AHI1: variants seen among roughly 807,000 people sequenced by gnomAD.
The protein encoded by AHI1 is jouberin.
In AHI1, 123 loss-of-function variants were observed where a neutral mutation model predicts 149.3. That is an observed-to-expected ratio of 0.82 (90% CI 0.71 to 0.96). The LOEUF is 0.96. AHI1 is among the 40% of genes least tolerant of loss of function. The pLI, the probability that AHI1 is intolerant of heterozygous loss-of-function variation, is 0.00. For synonymous variants in AHI1, 475 were observed against 459.8 expected (o/e 1.03, Z -0.42); for missense variants, 1,439 against 1,422.7 (o/e 1.01, Z -0.18).
chr6:135,309,802 T>C (rs919683927), intron 26 of AHI1, among the ~76,000 whole-genome samples: 1 of 152,136 alleles, frequency 6.6e-6, no homozygotes, highest in Non-Finnish European at 1.5e-5. Flanking sequence ...TTTAACTTAC[T>C]TATAAGGTAA....
At chr6:135,429,820 T>C in intron 18 of AHI1, 62 bp downstream of exon 18, 1 of 1,010,966 alleles carries the variant, frequency 9.9e-7, no homozygotes, top group Non-Finnish European at 1.5e-6. Context: ...ATTTTATAAA[T>C]ATAATTTAAT....
At chr6:135,339,381 C>G (rs926220858) in intron 24 of AHI1, among the ~76,000 whole-genome samples, 1 of 152,114 alleles carries the variant, frequency 6.6e-6, no homozygotes. Flanking sequence ...ACTTACTAGA[C>G]AAATATTTTA....
intron 24 of AHI1, among the ~76,000 whole-genome samples, chr6:135,342,674 A>G (rs1479558743): frequency 1.3e-5 from 2 of 152,014 alleles, no homozygotes; most frequent in East Asian, 3.9e-4. Flanking sequence ...ATGGAAAATC[A>G]TTTAATAAAA....
At chr6:135,404,444 G>A (rs1780467197) in intron 22 of AHI1, among the ~76,000 whole-genome samples, 1 of 152,042 alleles carries the variant, frequency 6.6e-6, no homozygotes, top group Admixed American at 6.5e-5. Context: ...TTCTAAAATT[G>A]GAATAACAAT....
chr6:135,450,663 T>C (rs968328515), intron 11 of AHI1, among the ~76,000 whole-genome samples: 1 of 152,224 alleles, frequency 6.6e-6, no homozygotes, highest in Non-Finnish European at 1.5e-5. Context: ...TTCTAAATCA[T>C]ACTTTCCATA....
At chr6:135,399,296 CCTCT>C (rs1276563680) in intron 22 of AHI1, among the ~76,000 whole-genome samples, 2 of 152,148 alleles carry the variant, frequency 1.3e-5, no homozygotes, top group Non-Finnish European at 2.9e-5. Flanking sequence ...TAAAACTCTC[CCTCT>C]GATTCCGTTA....
At chr6:135,398,060 T>C (rs1480382473) in intron 22 of AHI1, among the ~76,000 whole-genome samples, 1 of 14,024 alleles carries the variant, frequency 7.1e-5, no homozygotes, top group Non-Finnish European at 8.9e-4. Context: ...CCCAGGATGT[T>C]TTTTTTTTTT....
intron 24 of AHI1, among the ~76,000 whole-genome samples, chr6:135,333,244 CAA>C (rs1199998115): frequency 6.6e-6 from 1 of 151,962 alleles, no homozygotes; most frequent in African/African-American, 2.4e-5. Flanking sequence ...TCAATAATGT[CAA>C]AGATAAAAAA....
At position 135,318,581 on chromosome 6, in the gene AHI1, G is replaced by A. The variant is rs1487081231; in HGVS notation, c.3364C>T (p.Arg1122Ter). The change falls in exon 26 of 29, where the codon CGA (arginine) becomes TGA (stop). Residue 1122 changes from arginine to a stop codon, truncating the protein, a stop_gained. Transcript: ENST00000265602. LOFTEE classifies it high-confidence loss of function. The part of the protein sequence containing the change: ...YQELPPEIKE[R>*]SPPLSPEEKT... Reference sequence around the variant, plus strand: ...TCCTCAGGGCTTAAAGGAGGGGATCGCTCCTTTATCTCAGGAGGCAGTTCT... The same window carrying A: ...TCCTCAGGGCTTAAAGGAGGGGATCACTCCTTTATCTCAGGAGGCAGTTCT... The A allele has an allele frequency of 1.2e-5, 19 of 1,605,328 alleles. No individual in the cohort carries two copies. Among genetic ancestry groups the A allele is most frequent in the Non-Finnish European group, 1.6e-5 (19 of 1,175,808 alleles).
chr6:135,346,188 AT>A (rs1791177088), intron 24 of AHI1, among the ~76,000 whole-genome samples: 1 of 151,814 alleles, frequency 6.6e-6, no homozygotes, highest in Admixed American at 6.6e-5. Flanking sequence ...GCTTATTTTT[AT>A]TTTTATTTAT....
At chr6:135,334,957 T>C (rs1392934565) in intron 24 of AHI1, among the ~76,000 whole-genome samples, 1 of 152,236 alleles carries the variant, frequency 6.6e-6, no homozygotes, top group Non-Finnish European at 1.5e-5. Flanking sequence ...CTTTCAGCAA[T>C]TCTGATGTAC....
chr6:135,361,556 CT>C (rs2128441471), intron 23 of AHI1, among the ~76,000 whole-genome samples: 1 of 151,724 alleles, frequency 6.6e-6, no homozygotes, highest in South Asian at 2.1e-4. Context: ...ATCATTCTTA[CT>C]ATGATTTCCC....
At chr6:135,459,931 T>C (rs2614260) in intron 8 of AHI1, among the ~76,000 whole-genome samples, 134,908 of 152,144 alleles carry the variant, frequency 0.89, 60,372 homozygotes, top group East Asian at 0.97. Context: ...ATAGCTCACA[T>C]CTGTAATCCC....
At chr6:135,421,284 G>C (rs141843838) in intron 20 of AHI1, among the ~76,000 whole-genome samples, 1 of 152,218 alleles carries the variant, frequency 6.6e-6, no homozygotes, top group East Asian at 1.9e-4. Context: ...AGCACACAAT[G>C]TTGGAAAAAT....
chr6:135,392,723 TCA>T (rs1778687466), intron 23 of AHI1, among the ~76,000 whole-genome samples: 1 of 152,162 alleles, frequency 6.6e-6, no homozygotes, highest in Non-Finnish European at 1.5e-5. Flanking sequence ...CTGAATAGAA[TCA>T]CAGAATTTTT....
At chr6:135,391,139 T>C (rs1778424832) in intron 23 of AHI1, among the ~76,000 whole-genome samples, 1 of 152,204 alleles carries the variant, frequency 6.6e-6, no homozygotes, top group Admixed American at 6.5e-5. Flanking sequence ...AGGAGCTGTA[T>C]CCAGCTTTTC....
chr6:135,320,308 A>C (rs1786616272), intron 25 of AHI1, among the ~76,000 whole-genome samples: 1 of 152,218 alleles, frequency 6.6e-6, no homozygotes, highest in South Asian at 2.1e-4. Flanking sequence ...ATTCTGGGAT[A>C]CAATAAGGAA....
intron 11 of AHI1, among the ~76,000 whole-genome samples, chr6:135,450,757 A>ATTATGG (rs1787965588): frequency 6.6e-6 from 1 of 152,212 alleles, no homozygotes; most frequent in Non-Finnish European, 1.5e-5. Context: ...AGACCCTGCC[A>ATTATGG]TTATGGTTAT....
intron 20 of AHI1, among the ~76,000 whole-genome samples, chr6:135,421,191 G>A (rs924906684): frequency 2.0e-5 from 3 of 152,042 alleles, no homozygotes; most frequent in Non-Finnish European, 4.4e-5. Context: ...AGCACTCACC[G>A]CAGATCACCA....
Sources: gnomAD v4.1 joint callset for allele counts (sites outside exome capture counted in the v4.1 genomes callset) on GRCh38, gnomAD v4.1.1 for gene constraint, MANE v1.5 for transcripts, NCBI Gene and HGNC (gene_info 2026-07-23, HGNC 2026-07-21) for gene names.